IGSF10: variants seen among roughly 807,000 people sequenced by gnomAD.
IGSF10 encodes the protein immunoglobulin superfamily member 10.
IGSF10 carries 126 observed loss-of-function variants against 128.2 expected under a neutral mutation model. The ratio of observed to expected loss-of-function variants is 0.98; its 90% CI spans 0.85 to 1.14. The LOEUF is 1.14. Ranked by LOEUF, IGSF10 falls within the 50% of genes most tolerant of loss-of-function variation. The pLI is 0.00. For missense variants in IGSF10, 3,295 were observed against 3,149.8 expected, an observed-to-expected ratio of 1.05 and a Z score of -1.10; for synonymous variants, 1,185 against 1,146.2, an observed-to-expected ratio of 1.03 and a Z score of -0.68.
chr3:151,599,547 T>G, the IGSF10 span, among the ~76,000 whole-genome samples: 1 of 152,188 alleles, frequency 6.6e-6, no homozygotes, highest in African/African-American at 2.4e-5. Flanking sequence ...GGGCCACATT[T>G]GACTTTATTG....
At chr3:151,546,931 C>A in the IGSF10 span, among the ~76,000 whole-genome samples, 32 of 151,992 alleles carry the variant, frequency 2.1e-4, no homozygotes, top group African/African-American at 7.0e-4. Context: ...CCACCACGCC[C>A]GGCTAATTTT....
In IGSF10 at chr3:151,443,870, T is replaced by C. The variant is rs199674669; in HGVS notation, c.5077A>G (p.Lys1693Glu). 1 of 1,593,722 alleles carries C rather than the reference T, an allele frequency of 6.3e-7. No individual in the cohort carries two copies. Among genetic ancestry groups the C allele is most frequent in the African/African-American group, 1.3e-5 (1 of 74,352 alleles). ...TGGACCCTGCTATTCTGTTTCCTCT[T>C]AGATAAATCAAGTCCTGAGAAGAAA... is the stretch of plus-strand genomic sequence containing the variant. ...TRVPSGLDLS[K>E]RKQNSRVQVL... Residue 1693 changes from lysine (K) to glutamate (E), a missense_variant, in exon 7 of 8, where the codon AAG becomes GAG. Lys to Glu is a moderately conservative substitution (Grantham distance 56). Coordinates refer to ENST00000282466, the MANE Select transcript of IGSF10 (RefSeq NM_178822.5).
At chr3:151,554,824 TTA>T in the IGSF10 span, among the ~76,000 whole-genome samples, 1 of 152,204 alleles carries the variant, frequency 6.6e-6, no homozygotes, top group Non-Finnish European at 1.5e-5. Context: ...AACAATTTTT[TTA>T]TTTAATAAAT....
Position 151,436,840 on chromosome 3 carries a change from C to G in IGSF10, c.7721G>C (p.Ser2574Thr). 6.2e-7 allele frequency: 1 copy of G among 1,614,170 alleles called. No individual in the cohort carries two copies. Among genetic ancestry groups the G allele is most frequent in the South Asian group, 1.1e-5 (1 of 91,084 alleles). ...CTCACTTCCATGTGTCCTCTCTTTA[C>G]TTGCCGTTGAGAGAAGGGAGTGGTC... ...MPDHSLLSTA[S>T]KERTHGSEQL... Residue 2574 changes from serine (S) to threonine (T), a missense_variant, in exon 8 of 8, where the codon AGT becomes ACT. By Grantham distance (58) the Ser-to-Thr change is moderately conservative. Transcript: ENST00000282466.
At chr3:151,456,138 C>T (rs542505596) in intron 4 of IGSF10, among the ~76,000 whole-genome samples, 39 of 152,252 alleles carry the variant, frequency 2.6e-4, no homozygotes, top group African/African-American at 4.6e-4. Context: ...TCTATTCCTC[C>T]GAAGACATAC....
intron 1 of IGSF10, 26 bp from the exon 2 acceptor site, chr3:151,460,373 C>CCTGAGGGAGGA (rs1191232515): frequency 1.3e-6 from 1 of 759,914 alleles, no homozygotes; most frequent in Admixed American, 6.3e-5. Context: ...TTCTCTGCTC[C>CCTGAGGGAGGA]AAAGTGAGCA....
Position 151,437,637 on chromosome 3 carries a change from T to G in IGSF10, c.6924A>C (p.Ser2308=). 6.2e-7 allele frequency: 1 copy of G among 1,614,216 alleles called. No individual in the cohort carries two copies. Among genetic ancestry groups the G allele is most frequent in the Non-Finnish European group, 8.5e-7 (1 of 1,180,036 alleles). ...LEIRNVRLSD[S]ADFICVARNE... ...TTCGGGCCACACAGATAAAGTCGGC[T>G]GAATCTGAAAGCCTCACATTCCTAA... Residue 2308 remains serine (S), a synonymous_variant, in exon 8 of 8, where the codon TCA becomes TCC. Coordinates refer to ENST00000282466, the MANE Select transcript of IGSF10 (RefSeq NM_178822.5).
chr3:151,535,148 G>A, the IGSF10 span, among the ~76,000 whole-genome samples: 1 of 152,056 alleles, frequency 6.6e-6, no homozygotes, highest in African/African-American at 2.4e-5. Flanking sequence ...CTGACACAGT[G>A]CAAAAACAAT....
the IGSF10 span, among the ~76,000 whole-genome samples, chr3:151,571,373 T>C: frequency 6.6e-6 from 1 of 152,218 alleles, no homozygotes; most frequent in East Asian, 1.9e-4. Context: ...TGTTCTTCCA[T>C]TTGTTTGTGT....
At chr3:151,605,533 T>G in the IGSF10 span, among the ~76,000 whole-genome samples, 1 of 152,232 alleles carries the variant, frequency 6.6e-6, no homozygotes, top group African/African-American at 2.4e-5. Context: ...GTGTAGACTA[T>G]GGCTACGAAA....
chr3:151,572,869 T>A, the IGSF10 span, among the ~76,000 whole-genome samples: 8 of 152,346 alleles, frequency 5.3e-5, no homozygotes, highest in Admixed American at 1.3e-4. Flanking sequence ...TGCTATAAGT[T>A]TCCCTGTACA....
chr3:151,559,733 G>A, the IGSF10 span, among the ~76,000 whole-genome samples: 1 of 152,130 alleles, frequency 6.6e-6, no homozygotes. Flanking sequence ...GAGTAAGAGA[G>A]TGGTCCTCGC....
chr3:151,551,294 T>C, the IGSF10 span, among the ~76,000 whole-genome samples: 62 of 152,272 alleles, frequency 4.1e-4, no homozygotes, highest in African/African-American at 1.4e-3. Flanking sequence ...AAATAACTTA[T>C]AGTCATCCCT....
chr3:151,432,912 CATT>C, downstream of IGSF10: 1 of 741,434 alleles, frequency 1.3e-6, no homozygotes, highest in Non-Finnish European at 2.1e-6. Flanking sequence ...ATTTCTTTGA[CATT>C]TTACTATATT....
chr3:151,453,627 C>G lies in IGSF10; in HGVS notation c.472G>C (p.Val158Leu). ...GTGAGCTGATTTCCTTCCAAGTGCACCAGGCGGAGAAAGTTGAGCCCATAA... is the reference window on the plus strand; with the variant it reads ...GTGAGCTGATTTCCTTCCAAGTGCAGCAGGCGGAGAAAGTTGAGCCCATAA... ...VFYGLNFLRLVHLEGNQLTKL... is the reference protein window; with the variant it reads ...VFYGLNFLRLLHLEGNQLTKL... The change falls in exon 5 of 8, where the codon GTG becomes CTG. Residue 158 changes from valine to leucine, a missense_variant. Transcript: ENST00000282466. 1.9e-6 allele frequency: 3 copies of G among 1,613,924 alleles called. No individual in the cohort carries two copies. The South Asian group carries it at 3.3e-5, about 18-fold the overall frequency.
Position 151,448,705 on chromosome 3 carries a change from G to A in IGSF10, c.1276C>T (p.Pro426Ser), listed in dbSNP as rs192742877. The A allele has an allele frequency of 3.1e-6, 5 of 1,614,036 alleles. No individual in the cohort carries two copies. Among genetic ancestry groups the A allele is most frequent in the Admixed American group, 3.3e-5 (2 of 60,020 alleles). The stretch of plus-strand genomic sequence containing the variant: ...ATTTGGTCTTGCATTAACCAAGAGG[G>A]ATCTGCTCTGAGATCTGCCTCTATG... ...TNIEADLRAD[P>S]SWLMQDQISL... The change falls in exon 6 of 8, where the codon CCC (proline) becomes TCC (serine). Residue 426 changes from proline to serine, a missense_variant. Physicochemically the swap from Pro to Ser is moderately conservative, Grantham distance 74 (BLOSUM62 -1). Coordinates refer to ENST00000282466, the MANE Select transcript of IGSF10 (RefSeq NM_178822.5).
the IGSF10 span, among the ~76,000 whole-genome samples, chr3:151,499,363 G>A: frequency 2.0e-5 from 3 of 152,190 alleles, no homozygotes; most frequent in South Asian, 2.1e-4. Flanking sequence ...AAATTTGTAC[G>A]TTGTTTTCTG....
chr3:151,443,279 T>C lies in IGSF10; in HGVS notation c.5668A>G (p.Thr1890Ala). 1 of 1,612,366 alleles carries C rather than the reference T, an allele frequency of 6.2e-7. No individual in the cohort carries two copies. Among genetic ancestry groups the C allele is most frequent in the South Asian group, 1.1e-5 (1 of 90,996 alleles). ...DGTEVKPLQF[T>A]NSKLFLFSNG... ...GAAAATAAGAACAACTTGGAATTGG[T>C]AAACTGTAATGGTTTCACTTCAGTG... The change falls in exon 7 of 8, where the codon ACC becomes GCC. Residue 1890 changes from threonine to alanine, a missense_variant. Physicochemically the swap from Thr to Ala is moderately conservative, Grantham distance 58. Transcript: ENST00000282466.
At chr3:151,582,296 G>GGGGC in the IGSF10 span, among the ~76,000 whole-genome samples, 2 of 112,392 alleles carry the variant, frequency 1.8e-5, 1 homozygote, top group Admixed American at 1.9e-4. Context: ...AATATCCGGG[G>GGGGC]GGGGGGGCGG....
Sources: allele counts gnomAD v4.1 joint callset (sites outside exome capture counted in the v4.1 genomes callset), GRCh38; gene constraint gnomAD v4.1.1; transcripts MANE v1.5; gene names NCBI Gene and HGNC (gene_info 2026-07-23, HGNC 2026-07-21).